MBNL2: variants seen among roughly 807,000 people sequenced by gnomAD.
MBNL2 encodes muscleblind like splicing regulator 2, also known as muscleblind-like protein 2.
In MBNL2, 17 loss-of-function variants were observed where a neutral mutation model predicts 41.9. The ratio of observed to expected loss-of-function variants is 0.41; its 90% CI spans 0.28 to 0.61. The LOEUF (loss-of-function observed/expected upper bound fraction) is 0.61. Ranked by LOEUF, MBNL2 falls within the 20% of genes least tolerant of loss-of-function variation. The pLI, the probability that MBNL2 is intolerant of heterozygous loss-of-function variation, is 0.35. For missense variants in MBNL2, 336 were observed against 505.6 expected, an observed-to-expected ratio of 0.66 and a Z score of 3.22; for synonymous variants, 195 against 182.9, an observed-to-expected ratio of 1.07 and a Z score of -0.53.
intron 2 of MBNL2, among the ~76,000 whole-genome samples, chr13:97,314,868 C>T (rs1157277778): frequency 6.6e-6 from 1 of 152,152 alleles, no homozygotes; most frequent in Non-Finnish European, 1.5e-5. Context: ...ATAAACTATT[C>T]AACTTAGGTC....
chr13:97,143,231 T>C, the MBNL2 span, among the ~76,000 whole-genome samples: 1 of 152,248 alleles, frequency 6.6e-6, no homozygotes, highest in African/African-American at 2.4e-5. Flanking sequence ...TTGAAAACCT[T>C]CCCTATGTCC....
chr13:97,270,794 T>C (rs894469815), intron 1 of MBNL2, among the ~76,000 whole-genome samples: 2 of 152,172 alleles, frequency 1.3e-5, no homozygotes, highest in African/African-American at 4.8e-5. Flanking sequence ...CATGCTGAAA[T>C]GTGGTCTAGC....
chr13:97,152,477 A>G, the MBNL2 span, among the ~76,000 whole-genome samples: 5 of 152,196 alleles, frequency 3.3e-5, no homozygotes, highest in East Asian at 9.6e-4. Flanking sequence ...AAAAGGCCCA[A>G]GCCCCAAGCA....
chr13:97,219,355 T>G (rs1006400859), upstream of MBNL2, among the ~76,000 whole-genome samples: 1 of 152,200 alleles, frequency 6.6e-6, no homozygotes, highest in Non-Finnish European at 1.5e-5. Context: ...TGGGCCATGT[T>G]GAGGGCTTTT....
intron 2 of MBNL2, among the ~76,000 whole-genome samples, chr13:97,287,254 G>C (rs373969343): frequency 6.6e-6 from 1 of 151,148 alleles, no homozygotes; most frequent in East Asian, 1.9e-4. Flanking sequence ...GGATCGGCTT[G>C]TTGGGAAACT....
chr13:97,230,061 G>C (rs184535745), intron 1 of MBNL2, among the ~76,000 whole-genome samples: 148 of 152,322 alleles, frequency 9.7e-4, no homozygotes, highest in African/African-American at 3.3e-3. Flanking sequence ...ACTTTGGTAG[G>C]CCAAGGTGGG....
At chr13:97,176,030 C>A in the MBNL2 span, among the ~76,000 whole-genome samples, 1 of 152,178 alleles carries the variant, frequency 6.6e-6, no homozygotes, top group African/African-American at 2.4e-5. Flanking sequence ...CCATCCCTAG[C>A]AAAAGCTATT....
At chr13:97,316,774 T>C (rs1257841053) in intron 2 of MBNL2, among the ~76,000 whole-genome samples, 8 of 152,226 alleles carry the variant, frequency 5.3e-5, no homozygotes, top group Admixed American at 3.9e-4. Context: ...CCATCCTACT[T>C]ACCCACTTGT....
chr13:97,343,509 C>G (rs1337034530), intron 4 of MBNL2, among the ~76,000 whole-genome samples: 2 of 152,124 alleles, frequency 1.3e-5, no homozygotes, highest in Admixed American at 1.3e-4. Context: ...AATCATGATG[C>G]AGCCCATAGA....
chr13:97,266,850 T>G lies in MBNL2; in HGVS notation c.-604-8782T>G, dbSNP rs541762989. Among the ~76,000 whole-genome samples the G allele has an allele frequency of 5.3e-5, 8 of 152,324 alleles. No homozygotes were observed. The South Asian group carries it at 1.7e-3, about 32-fold the overall frequency. On this transcript the variant is annotated intron_variant, in intron 1 of 8. Coordinates refer to ENST00000679496, the MANE Select transcript of MBNL2 (RefSeq NM_001382683.1). ...ATTTATATAAAAAGAATTAAAGGCA[T>G]CCTATAAATTACTTAATGGATAATG... is the stretch of plus-strand genomic sequence containing the variant.
intron 4 of MBNL2, among the ~76,000 whole-genome samples, chr13:97,345,317 C>A (rs981001327): frequency 2.0e-5 from 3 of 152,108 alleles, no homozygotes; most frequent in Non-Finnish European, 2.9e-5. Context: ...ATAATTATTT[C>A]CTGCTAATAT....
the MBNL2 span, among the ~76,000 whole-genome samples, chr13:97,175,432 T>C: frequency 2.0e-5 from 3 of 152,142 alleles, no homozygotes; most frequent in Non-Finnish European, 2.9e-5. Flanking sequence ...GGTGCAAAGA[T>C]GGGCCTGGGG....
chr13:97,229,669 TG>T (rs1011992570), intron 1 of MBNL2, among the ~76,000 whole-genome samples: 1 of 151,988 alleles, frequency 6.6e-6, no homozygotes, highest in Non-Finnish European at 1.5e-5. Flanking sequence ...ACCTTGACCT[TG>T]GAGATGGAGA....
rs538970043 is a variant in MBNL2, at chr13:97,357,427, T to C, written c.859-55T>C. 406 of 1,429,398 alleles carry C rather than the reference T, an allele frequency of 2.8e-4. 5 individuals carry two copies. In the South Asian group the frequency reaches 4.4e-3, roughly 16 times the overall value. 88.5% of individuals were successfully genotyped at this position (1,429,398 alleles called of 1,614,324 possible). A position where few individuals can be genotyped will look rare whatever the true frequency, so the allele number is the denominator to read the frequency against. On this transcript the variant is annotated intron_variant, in intron 6 of 8. Coordinates refer to ENST00000679496, the MANE Select transcript of MBNL2 (RefSeq NM_001382683.1). ...TTGCAATTGATGATCTCTGTGAACA[T>C]GGAAGGTGTGTTTGCTTTAAGTTAG...
chr13:97,376,455 T>C (rs977657815), intron 8 of MBNL2, among the ~76,000 whole-genome samples: 1 of 152,202 alleles, frequency 6.6e-6, no homozygotes, highest in Non-Finnish European at 1.5e-5. Context: ...CTATAGCTAA[T>C]CTAGCAGTTA....
At chr13:97,154,748 T>C in the MBNL2 span, among the ~76,000 whole-genome samples, 3 of 152,104 alleles carry the variant, frequency 2.0e-5, no homozygotes, top group African/African-American at 2.4e-5. Flanking sequence ...ACTAGACACA[T>C]AGTTGATACT....
intron 8 of MBNL2, among the ~76,000 whole-genome samples, chr13:97,368,328 G>A (rs1010718402): frequency 2.0e-5 from 3 of 151,988 alleles, no homozygotes; most frequent in Middle Eastern, 3.2e-3. Flanking sequence ...TGGGAGGATC[G>A]CCTGAGCCTG....
chr13:97,392,653 G>A lies in MBNL2; in HGVS notation c.*1204G>A, dbSNP rs1352218760. ...TTTAAATACTTGGTTGATCTTCAAG[G>A]TAATAGCGATACAATTAAATTTTGT... On this transcript the variant is annotated 3_prime_UTR_variant, in exon 9 of 9. Transcript: ENST00000679496. 1 of 152,146 alleles carries A rather than the reference G, an allele frequency of 6.6e-6. No homozygotes were observed. The highest frequency in any genetic ancestry group is 1.9e-4 in the East Asian group (1 of 5,194). The allele number at this position is 152,146 out of a possible 1,614,324, so 9.4% of individuals were successfully genotyped here. A position where few individuals can be genotyped will look rare whatever the true frequency, so the allele number is the denominator to read the frequency against.
At chr13:97,193,350 C>A in the MBNL2 span, among the ~76,000 whole-genome samples, 2 of 152,190 alleles carry the variant, frequency 1.3e-5, no homozygotes, top group East Asian at 1.9e-4. Context: ...CAGTTGAGGG[C>A]GAGATGTGGC....
Sources: allele counts gnomAD v4.1 joint callset (sites outside exome capture counted in the v4.1 genomes callset), GRCh38; gene constraint gnomAD v4.1.1; transcripts MANE v1.5; gene names NCBI Gene and HGNC (gene_info 2026-07-23, HGNC 2026-07-21).